The following L1CAM variants were observed in gnomAD, a reference collection of about 807,000 sequenced individuals.
The protein encoded by L1CAM is neural cell adhesion molecule L1.
In L1CAM, 8 loss-of-function variants were observed where a neutral mutation model predicts 93.0. The observed-to-expected ratio is 0.09, with a 90% CI of 0.05 to 0.16. The LOEUF is 0.16. L1CAM is among the 10% of genes least tolerant of loss of function. The probability of loss-of-function intolerance (pLI) is 1.00; values close to 1 mark genes in which losing one functional copy is unlikely to be tolerated. For synonymous variants in L1CAM, 453 were observed against 453.0 expected (o/e 1.00, Z 0.00); for missense variants, 777 against 1,073.4 (o/e 0.72, Z 3.86).
intron 1 of L1CAM, among the ~76,000 whole-genome samples, chrX:153,882,949 G>A (rs1414196671): frequency 1.8e-5 from 2 of 112,319 alleles, no homozygotes; most frequent in African/African-American, 3.2e-5. Context: ...TCCAGCCACA[G>A]CCTTCAGGAA....
At chrX:153,870,675 G>T (rs2064760818) in intron 7 of L1CAM, 115 bp downstream of exon 7, 1 of 873,586 alleles carries the variant, frequency 1.1e-6, no homozygotes, top group Non-Finnish European at 1.7e-6. Context: ...GGGTAGAGGT[G>T]GGAGCCAAGC....
Position 153,871,996 on chromosome X carries a change from A to G in L1CAM, c.400+156T>C, listed in dbSNP as rs192998082. On this transcript the variant is annotated intron_variant, in intron 5 of 28. Transcript: ENST00000370060. Reference sequence around the variant, plus strand: ...GGGCAAAGGAGGAGACTGCACAAGAAACAAGATGGGCCAGGGGAGAAGCTG... The same window carrying G: ...GGGCAAAGGAGGAGACTGCACAAGAGACAAGATGGGCCAGGGGAGAAGCTG... 9.1e-3 allele frequency among the ~76,000 whole-genome samples: 998 copies of G among 109,742 alleles called. 12 individuals carry two copies. Among genetic ancestry groups the G allele is most frequent in the African/African-American group, 0.032 (953 of 30,158 alleles).
intron 1 of L1CAM, chrX:153,885,731 CG>C: frequency 6.3e-6 from 3 of 475,835 alleles, no homozygotes; most frequent in Non-Finnish European, 8.6e-6. Flanking sequence ...CACACACGCA[CG>C]GGGACCCGCC....
intron 1 of L1CAM, among the ~76,000 whole-genome samples, chrX:153,878,810 G>A (rs28374734): frequency 6.3e-5 from 7 of 111,287 alleles, no homozygotes; most frequent in Non-Finnish European, 1.3e-4. Context: ...TGGCATGTAC[G>A]CTCAGGGGAA....
At chrX:153,884,705 T>C (rs2064867942) in intron 1 of L1CAM, among the ~76,000 whole-genome samples, 1 of 112,297 alleles carries the variant, frequency 8.9e-6, no homozygotes, top group African/African-American at 3.2e-5. Context: ...TGTGCACATG[T>C]GGGCACTGCA....
At position 153,870,377 on chromosome X, in the gene L1CAM, C is replaced by T; in HGVS notation, c.806+11G>A. ...GCCCTGCCCTGCCCTGCCCTGGGTT[C>T]CCAGACTCACAAGCCCTCGGCGATG... On this transcript the variant is annotated intron_variant, in intron 8 of 28. Coordinates refer to ENST00000370060, the MANE Select transcript of L1CAM (RefSeq NM_001278116.2). 1 of 1,205,239 alleles carries T rather than the reference C, an allele frequency of 8.3e-7. No individual in the cohort carries two copies. Among genetic ancestry groups the T allele is most frequent in the Non-Finnish European group, 1.1e-6 (1 of 889,082 alleles).
chrX:153,863,477 C>T lies in L1CAM; in HGVS notation c.3530G>A (p.Arg1177Lys). 1 of 1,211,071 alleles carries T rather than the reference C, an allele frequency of 8.3e-7. No individual in the cohort carries two copies. Among genetic ancestry groups the T allele is most frequent in the East Asian group, 3.0e-5 (1 of 33,841 alleles). The stretch of plus-strand genomic sequence containing the variant: ...AGCACCCACTCCTGCCCCGGCTCAC[C>T]TGTACTCGCCGAAGGTCTCATCTTT... ...PMKDETFGEY[R>K]SLESDNEEKA... Residue 1177 changes from arginine (R) to lysine (K), a missense_variant and splice_region_variant, in exon 27 of 29, where the codon AGG becomes AAG. By Grantham distance (26) the Arg-to-Lys change is conservative. This residue lies in a region of L1CAM where 110 missense variants were observed against 141.7 expected (regional missense o/e 0.78). Coordinates refer to ENST00000370060, the MANE Select transcript of L1CAM (RefSeq NM_001278116.2).
At chrX:153,864,041 C>A (rs372842739) in intron 25 of L1CAM, 24 bp from the exon 26 acceptor site, 2 of 1,210,672 alleles carry the variant, frequency 1.7e-6, no homozygotes, top group Admixed American at 2.2e-5. Context: ...ACCAGCCCCC[C>A]GTGCTGCCGC....
intron 1 of L1CAM, among the ~76,000 whole-genome samples, chrX:153,878,987 C>A (rs782573854): frequency 1.8e-5 from 2 of 111,045 alleles, no homozygotes; most frequent in East Asian, 2.8e-4. Context: ...CAGAAGGTTG[C>A]GAGATATAAC....
At position 153,869,826 on chromosome X, in the gene L1CAM, C is replaced by T. The variant is rs2064751060; in HGVS notation, c.1100G>A (p.Arg367Lys). Residue 367 changes from arginine (R) to lysine (K), a missense_variant, in exon 10 of 29, where the codon AGA becomes AAA. Physicochemically the swap from Arg to Lys is conservative, Grantham distance 26. This residue lies in a region of L1CAM where 574 missense variants were observed against 781.0 expected (regional missense o/e 0.73). Transcript: ENST00000370060. ...QGRPQPEVTW[R>K]INGIPVEELA... The stretch of plus-strand genomic sequence containing the variant: ...ACCCTCCACAGGGATCCCGTTGATT[C>T]TCCAGGTGACCTCTGGTTGGGGCCT... The T allele has an allele frequency of 1.7e-6, 2 of 1,211,232 alleles. No individual in the cohort carries two copies. The highest frequency in any genetic ancestry group is 2.3e-4 in the Middle Eastern group (1 of 4,355).
intron 2 of L1CAM, among the ~76,000 whole-genome samples, chrX:153,874,917 T>C (rs2064801628): frequency 8.9e-6 from 1 of 111,923 alleles, no homozygotes; most frequent in Non-Finnish European, 1.9e-5. Context: ...CATGACCCAA[T>C]GCAATCAAAT....
chrX:153,874,189 G>A (rs933822072), intron 2 of L1CAM, among the ~76,000 whole-genome samples: 1 of 112,681 alleles, frequency 8.9e-6, no homozygotes, highest in Non-Finnish European at 1.9e-5. Context: ...AGGGAGGGCC[G>A]GCTGCCTGCC....
At chrX:153,884,374 G>T in intron 1 of L1CAM, 1 of 582,226 alleles carries the variant, frequency 1.7e-6, no homozygotes, top group East Asian at 7.8e-5. Context: ...CTGGGAACTT[G>T]GGGAGGAGCC....
At position 153,865,344 on chromosome X, in the gene L1CAM, C is replaced by T; in HGVS notation, c.2704G>A (p.Gly902Arg). 1 of 1,211,146 alleles carries T rather than the reference C, an allele frequency of 8.3e-7. No individual in the cohort carries two copies. The highest frequency in any genetic ancestry group is 1.1e-6 in the Non-Finnish European group (1 of 895,375). The change falls in exon 21 of 29, where the codon GGA becomes AGA. Residue 902 changes from glycine (G) to arginine (R), a missense_variant. Physicochemically the swap from Gly to Arg is moderately radical, Grantham distance 125 (BLOSUM62 -2). This residue lies in a region of L1CAM where 574 missense variants were observed against 781.0 expected (regional missense o/e 0.73). Transcript: ENST00000370060. ...HLEVQAFNGR[G>R]SGPASEFTFS... ...GTGAACTCGCTGGCGGGCCCCGATCCTCGCCCGTTAAAGGCCTGCACCTCC... is the reference window on the plus strand; with the variant it reads ...GTGAACTCGCTGGCGGGCCCCGATCTTCGCCCGTTAAAGGCCTGCACCTCC...
rs1489518994 is a variant in L1CAM, at chrX:153,862,854, G to C, written c.3583C>G (p.Leu1195Val). The C allele has an allele frequency of 1.7e-6, 2 of 1,211,186 alleles. No individual in the cohort carries two copies. Among genetic ancestry groups the C allele is most frequent in the African/African-American group, 3.5e-5 (2 of 57,626 alleles). The change falls in exon 29 of 29, where the codon CTC becomes GTC. Residue 1195 changes from leucine (L) to valine (V), a missense_variant. By Grantham distance (32) the Leu-to-Val change is conservative (BLOSUM62 1). Around this residue, in one of 5 missense-constraint regions of L1CAM, gnomAD observed 110 missense variants for 141.7 expected, o/e 0.78. Transcript: ENST00000370060. ...EKAFGSSQPS[L>V]NGDIKPLGSD... ...CCCAGGGGCTTGATGTCCCCGTTGAGCGATGGCTGGCTGCTGCCAAAGGCC... is the reference window on the plus strand; with the variant it reads ...CCCAGGGGCTTGATGTCCCCGTTGACCGATGGCTGGCTGCTGCCAAAGGCC...
At position 153,862,690 on chromosome X, in the gene L1CAM, G is replaced by T. The variant is rs199569165; in HGVS notation, c.3747C>A (p.Pro1249=). The change falls in exon 29 of 29, where the codon CCC becomes CCA. Residue 1249 remains proline, a synonymous_variant. Coordinates refer to ENST00000370060, the MANE Select transcript of L1CAM (RefSeq NM_001278116.2). ...GGNDSSGATS[P]INPAVALE ...ATTCTAGGGCCACGGCAGGGTTGAT[G>T]GGGGAAGTGGCCCCTGAGCTGTCAT... The T allele has an allele frequency of 2.5e-6, 3 of 1,210,749 alleles. No homozygotes were observed. Among genetic ancestry groups the T allele is most frequent in the Non-Finnish European group, 3.4e-6 (3 of 894,328 alleles).
chrX:153,869,182 G>T (rs2064744171), intron 11 of L1CAM: 1 of 451,512 alleles, frequency 2.2e-6, no homozygotes, highest in East Asian at 3.7e-5. Context: ...GTTATTCCAG[G>T]CCTAACTGAC....
chrX:153,878,904 CT>C (rs1163637993), intron 1 of L1CAM, among the ~76,000 whole-genome samples: 5 of 110,747 alleles, frequency 4.5e-5, no homozygotes, highest in Non-Finnish European at 9.5e-5. Flanking sequence ...TATCCAACTT[CT>C]TTTTTGGTCT....
chrX:153,864,033 C>A lies in L1CAM; in HGVS notation c.3323-16G>T. The A allele has an allele frequency of 3.3e-6, 4 of 1,210,187 alleles. No homozygotes were observed. The East Asian group carries it at 8.9e-5, about 27-fold the overall frequency. On this transcript the variant is annotated splice_polypyrimidine_tract_variant and intron_variant, in intron 25 of 28. Transcript: ENST00000370060. ...CTCACGCGGCCTGAGGGTGAGACAC[C>A]AGCCCCCCGTGCTGCCGCCCAAGCC...
Sources: gnomAD v4.1 joint callset for allele counts (sites outside exome capture counted in the v4.1 genomes callset) on GRCh38, gnomAD v4.1.1 for gene constraint, gnomAD v4.1.1 regional missense constraint, MANE v1.5 for transcripts, NCBI Gene and HGNC (gene_info 2026-07-23, HGNC 2026-07-21) for gene names.